Variants in RAPGEF1 observed in about 807,000 individuals in gnomAD.
RAPGEF1 encodes Rap guanine nucleotide exchange factor 1.
Under a neutral mutation model 143.3 loss-of-function variants are expected in RAPGEF1, and 33 were observed. The observed-to-expected ratio is 0.23, with a 90% CI of 0.17 to 0.31. RAPGEF1 has a LOEUF of 0.31. RAPGEF1 is among the 10% of genes least tolerant of loss of function. The pLI is 1.00. For synonymous variants in RAPGEF1, 629 were observed against 676.5 expected (o/e 0.93, Z 1.09); for missense variants, 1,199 against 1,645.4 (o/e 0.73, Z 4.69).
At chr9:131,687,358 T>C (rs935492928) in intron 1 of RAPGEF1, among the ~76,000 whole-genome samples, 1 of 151,228 alleles carries the variant, frequency 6.6e-6, no homozygotes, top group Non-Finnish European at 1.5e-5. Context: ...CCCTGGATAA[T>C]TTTTTTTTGT....
At chr9:131,731,998 G>T (rs1298909004) in intron 1 of RAPGEF1, among the ~76,000 whole-genome samples, 1 of 152,154 alleles carries the variant, frequency 6.6e-6, no homozygotes, top group Non-Finnish European at 1.5e-5. Flanking sequence ...AAGGAATTGT[G>T]ACCAGCAGAC....
intron 1 of RAPGEF1, among the ~76,000 whole-genome samples, chr9:131,694,273 A>C (rs530371103): frequency 5.3e-4 from 80 of 152,188 alleles, no homozygotes; most frequent in Non-Finnish European, 9.0e-4. Context: ...CCAGCAGAGA[A>C]TGAGGCCTAA....
Position 131,580,406 on chromosome 9 carries a change from T to C in RAPGEF1, c.3513-15A>G. On this transcript the variant is annotated splice_polypyrimidine_tract_variant and intron_variant, in intron 25 of 26. Coordinates refer to ENST00000683357, the MANE Select transcript of RAPGEF1 (RefSeq NM_001377935.1). ...GGATCAGCCCCCTGGGAGGACGGGT[T>C]AGGCAGCCTGTTACTGCTACGGGGT... The C allele has an allele frequency of 6.2e-7, 1 of 1,611,628 alleles. No homozygotes were observed. The highest frequency in any genetic ancestry group is 8.5e-7 in the Non-Finnish European group (1 of 1,178,436).
intron 1 of RAPGEF1, among the ~76,000 whole-genome samples, chr9:131,687,376 G>A (rs1299005741): frequency 6.6e-6 from 1 of 151,756 alleles, no homozygotes; most frequent in Non-Finnish European, 1.5e-5. Context: ...TGTATTTTTA[G>A]TAGAGACGGG....
intron 1 of RAPGEF1, among the ~76,000 whole-genome samples, chr9:131,668,864 C>T (rs1830874684): frequency 6.6e-6 from 1 of 152,258 alleles, no homozygotes; most frequent in Admixed American, 6.5e-5. Flanking sequence ...AGGCAGAGCC[C>T]TCCCCCGGCC....
At chr9:131,636,634 C>T (rs1394923888) in intron 5 of RAPGEF1, among the ~76,000 whole-genome samples, 2 of 152,178 alleles carry the variant, frequency 1.3e-5, no homozygotes, top group Non-Finnish European at 2.9e-5. Context: ...TAGAAGGAAA[C>T]CTTAACAATG....
chr9:131,633,062 C>T (rs1383333561), intron 5 of RAPGEF1, among the ~76,000 whole-genome samples: 4 of 152,132 alleles, frequency 2.6e-5, no homozygotes. Flanking sequence ...CAGTTGTTAC[C>T]CCATTCAGAT....
intron 5 of RAPGEF1, among the ~76,000 whole-genome samples, chr9:131,636,085 G>A (rs1966302490): frequency 6.6e-6 from 1 of 152,160 alleles, no homozygotes; most frequent in Non-Finnish European, 1.5e-5. Flanking sequence ...TGACCACCCT[G>A]AGAAAGGAAG....
rs542161691 is a variant in RAPGEF1, at chr9:131,608,278, A to G, written c.2062-3090T>C. Among the ~76,000 whole-genome samples the G allele has an allele frequency of 2.6e-5, 4 of 152,328 alleles. No homozygotes were observed. The South Asian group carries it at 6.2e-4, about 24-fold the overall frequency. ...TCCTCTCCTGCCCTCCCAACAATCC[A>G]GGAACTGCCCTAAATAACAGTACTG... On this transcript the variant is annotated intron_variant, in intron 12 of 26. Coordinates refer to ENST00000683357, the MANE Select transcript of RAPGEF1 (RefSeq NM_001377935.1).
intron 1 of RAPGEF1, among the ~76,000 whole-genome samples, chr9:131,718,842 T>A (rs11243485): frequency 0.13 from 20,172 of 152,122 alleles, 2,072 homozygotes; most frequent in African/African-American, 0.27. Context: ...GCCACGGGAC[T>A]AGGCTGCCTG....
At chr9:131,679,086 G>A (rs544139202) in intron 1 of RAPGEF1, among the ~76,000 whole-genome samples, 9 of 151,546 alleles carry the variant, frequency 5.9e-5, no homozygotes, top group African/African-American at 2.2e-4. Flanking sequence ...AAATGATGAG[G>A]AGAATCCTAG....
At chr9:131,678,445 C>CA (rs1347398694) in intron 1 of RAPGEF1, among the ~76,000 whole-genome samples, 1 of 152,200 alleles carries the variant, frequency 6.6e-6, no homozygotes, top group Admixed American at 6.5e-5. Flanking sequence ...TTTCACTCTA[C>CA]AAAAAATCAA....
chr9:131,739,385 C>T (rs569015230), intron 1 of RAPGEF1, among the ~76,000 whole-genome samples: 1 of 152,338 alleles, frequency 6.6e-6, no homozygotes, highest in Non-Finnish European at 1.5e-5. Context: ...CTGGGTTCAC[C>T]CTCCTAGCGC....
intron 1 of RAPGEF1, among the ~76,000 whole-genome samples, chr9:131,732,070 G>A (rs1837109432): frequency 6.6e-6 from 1 of 152,176 alleles, no homozygotes; most frequent in Non-Finnish European, 1.5e-5. Context: ...CAGAGGAGGG[G>A]GAAGTAGCAA....
chr9:131,603,990 T>C lies in RAPGEF1; in HGVS notation c.2383A>G (p.Ser795Gly), dbSNP rs1183672871. The C allele has an allele frequency of 8.2e-6, 11 of 1,336,484 alleles. No homozygotes were observed. The highest frequency in any genetic ancestry group is 1.1e-5 in the Non-Finnish European group (11 of 1,005,276). 82.8% of individuals were successfully genotyped at this position (1,336,484 alleles called of 1,614,324 possible). A position where few individuals can be genotyped will look rare whatever the true frequency, so the allele number is the denominator to read the frequency against. ...CGAGAGGGAGCCAGCTCCTCGCTGC[T>C]CTGGCCAGAGGAATACAGATTGACA... ...EYVNLYSSGQ[S>G]SEELAPSRGE... The change falls in exon 14 of 27, where the codon AGC becomes GGC. Residue 795 changes from serine to glycine, a missense_variant. Physicochemically the swap from Ser to Gly is moderately conservative, Grantham distance 56. Around this residue, in one of 6 missense-constraint regions of RAPGEF1, gnomAD observed 293 missense variants for 356.2 expected, o/e 0.82. Coordinates refer to ENST00000683357, the MANE Select transcript of RAPGEF1 (RefSeq NM_001377935.1).
chr9:131,712,103 C>G (rs548900550), intron 1 of RAPGEF1, among the ~76,000 whole-genome samples: 1 of 152,142 alleles, frequency 6.6e-6, no homozygotes, highest in Non-Finnish European at 1.5e-5. Context: ...TCTGTCGCAC[C>G]GTCTCCAATG....
At chr9:131,673,480 T>G (rs1443210006) in intron 1 of RAPGEF1, among the ~76,000 whole-genome samples, 1 of 152,252 alleles carries the variant, frequency 6.6e-6, no homozygotes, top group East Asian at 1.9e-4. Flanking sequence ...TTTAAAGTTC[T>G]TTGAGCACAT....
chr9:131,693,943 G>GTT (rs1833954870), intron 1 of RAPGEF1, among the ~76,000 whole-genome samples: 1 of 151,476 alleles, frequency 6.6e-6, no homozygotes, highest in Admixed American at 6.6e-5. Context: ...CTCTCAATCA[G>GTT]TTTCTCTCTC....
intron 1 of RAPGEF1, among the ~76,000 whole-genome samples, chr9:131,668,059 ATAACT>A (rs1473067512): frequency 6.6e-6 from 1 of 152,236 alleles, no homozygotes; most frequent in African/African-American, 2.4e-5. Flanking sequence ...AAAAATTCTA[ATAACT>A]TAAGCATCTC....
Sources: allele counts gnomAD v4.1 joint callset (sites outside exome capture counted in the v4.1 genomes callset), GRCh38; gene constraint gnomAD v4.1.1; regional missense constraint gnomAD v4.1.1; transcripts MANE v1.5; gene names NCBI Gene and HGNC (gene_info 2026-07-23, HGNC 2026-07-21).